Variants in BRINP1 observed in about 807,000 individuals in gnomAD.
BRINP1 encodes BMP/retinoic acid inducible neural specific 1, also known as BMP/retinoic acid-inducible neural-specific protein 1.
Under a neutral mutation model 72.9 loss-of-function variants are expected in BRINP1, and 17 were observed. That is an observed-to-expected ratio of 0.23 (90% CI 0.16 to 0.35). The LOEUF (loss-of-function observed/expected upper bound fraction) is 0.35, where lower values mean the gene tolerates loss of function less well. BRINP1 is among the 10% of genes least tolerant of loss of function. The probability of loss-of-function intolerance (pLI) is 1.00; values close to 1 mark genes in which losing one functional copy is unlikely to be tolerated. For missense variants in BRINP1, 850 were observed against 1,001.6 expected, an observed-to-expected ratio of 0.85 and a Z score of 2.04; for synonymous variants, 418 against 378.5, an observed-to-expected ratio of 1.10 and a Z score of -1.21.
intron 1 of BRINP1, among the ~76,000 whole-genome samples, chr9:119,327,874 A>C (rs1831255235): frequency 6.6e-6 from 1 of 152,224 alleles, no homozygotes; most frequent in South Asian, 2.1e-4. Flanking sequence ...TTGACATTCA[A>C]GTTAGGATTT....
At chr9:119,251,613 C>A (rs902287930) in intron 2 of BRINP1, among the ~76,000 whole-genome samples, 1 of 151,714 alleles carries the variant, frequency 6.6e-6, no homozygotes, top group Non-Finnish European at 1.5e-5. Context: ...ACAAAAACAA[C>A]AAAAAAACTA....
chr9:119,232,183 T>C (rs1830154327), intron 5 of BRINP1, among the ~76,000 whole-genome samples: 1 of 152,174 alleles, frequency 6.6e-6, no homozygotes, highest in Non-Finnish European at 1.5e-5. Flanking sequence ...ACAAATACTT[T>C]TGAGTTCATT....
intron 7 of BRINP1, among the ~76,000 whole-genome samples, chr9:119,175,119 TAA>T (rs35857917): frequency 1.3e-4 from 8 of 62,672 alleles, no homozygotes; most frequent in African/African-American, 1.4e-4. Context: ...AAGTAAAGTA[TAA>T]AAAAAAAAAA....
chr9:119,169,276 C>T (rs1019977949), intron 7 of BRINP1, among the ~76,000 whole-genome samples: 1 of 152,202 alleles, frequency 6.6e-6, no homozygotes, highest in African/African-American at 2.4e-5. Context: ...GTGCACGCAC[C>T]GTGCGCGAGC....
At chr9:119,358,678 AG>A (rs765887896) in intron 1 of BRINP1, among the ~76,000 whole-genome samples, 19 of 152,292 alleles carry the variant, frequency 1.2e-4, no homozygotes, top group South Asian at 4.1e-4. Context: ...TGGGCGACAG[AG>A]CGAGACTCCA....
At position 119,168,375 on chromosome 9, in the gene BRINP1, C is replaced by A. The variant is rs954152929; in HGVS notation, c.1146-151G>T. On this transcript the variant is annotated intron_variant, in intron 7 of 7. Coordinates refer to ENST00000265922, the MANE Select transcript of BRINP1 (RefSeq NM_014618.3). ...ATACAGGAAGGGCATCGAATATAAACGTAAGAACTACATTGTAGCTCCTCC... is the reference window on the plus strand; with the variant it reads ...ATACAGGAAGGGCATCGAATATAAAAGTAAGAACTACATTGTAGCTCCTCC... 5.2e-6 allele frequency: 3 copies of A among 581,646 alleles called. No homozygotes were observed. In the African/African-American group the frequency reaches 5.6e-5, roughly 11 times the overall value. 36.0% of individuals were successfully genotyped at this position (581,646 alleles called of 1,614,324 possible). A position where few individuals can be genotyped will look rare whatever the true frequency, so the allele number is the denominator to read the frequency against.
rs184077029 is a variant in BRINP1, at chr9:119,188,292, G to T, written c.1146-20068C>A. ...TAATCAAAATATCAAAGACATCATA[G>T]AAATGATTTTAAAAGGCCAGGAAAT... On this transcript the variant is annotated intron_variant, in intron 7 of 7. Coordinates refer to ENST00000265922, the MANE Select transcript of BRINP1 (RefSeq NM_014618.3). 1.1e-4 allele frequency among the ~76,000 whole-genome samples: 16 copies of T among 152,130 alleles called. 1 individual carries two copies. Among genetic ancestry groups the T allele is most frequent in the Admixed American group, 9.2e-4 (14 of 15,290 alleles).
At chr9:119,310,232 C>G (rs543460706) in intron 2 of BRINP1, among the ~76,000 whole-genome samples, 11 of 152,274 alleles carry the variant, frequency 7.2e-5, no homozygotes, top group African/African-American at 2.2e-4. Flanking sequence ...TGGGTCAGCA[C>G]CCGAGTTCCC....
At chr9:119,169,238 G>A (rs896706355) in intron 7 of BRINP1, among the ~76,000 whole-genome samples, 3 of 152,242 alleles carry the variant, frequency 2.0e-5, no homozygotes, top group Non-Finnish European at 4.4e-5. Flanking sequence ...TCACTAGGGA[G>A]TGCCAGACAG....
rs747102415 is a variant in BRINP1 at position 119,346,770 on chromosome 9, TTTC to T, written c.-51+22283_-51+22285del. On this transcript the variant is annotated intron_variant, in intron 1 of 7. Transcript: ENST00000265922. ...CCACAGAGCTTGTGATTCTATGGTGTTTCCTTCAAGGAACTTAAAATGCTACCA... is the reference window on the plus strand; with the variant it reads ...CCACAGAGCTTGTGATTCTATGGTGTCTTCAAGGAACTTAAAATGCTACCA... Among the ~76,000 whole-genome samples the T allele has an allele frequency of 5.7e-3, 863 of 152,316 alleles. 3 individuals are homozygous for T. Among genetic ancestry groups the T allele is most frequent in the Non-Finnish European group, 8.5e-3 (578 of 68,010 alleles).
Position 119,256,401 on chromosome 9 carries a change from G to C in BRINP1, c.219-7251C>G, listed in dbSNP as rs577216484. On this transcript the variant is annotated intron_variant, in intron 2 of 7. Coordinates refer to ENST00000265922, the MANE Select transcript of BRINP1 (RefSeq NM_014618.3). ...AAAACTTTAGGGAAAGGTGGGATCT[G>C]ATTCTTGTGAAGTAAGCTGAAAGTA... 2.0e-5 allele frequency among the ~76,000 whole-genome samples: 3 copies of C among 152,266 alleles called. No homozygotes were observed. The South Asian group carries it at 6.2e-4, about 32-fold the overall frequency.
At chr9:119,238,605 A>T in intron 5 of BRINP1, 50 bp downstream of exon 5, 1 of 1,119,072 alleles carries the variant, frequency 8.9e-7, no homozygotes, top group Non-Finnish European at 1.3e-6. Context: ...CACATATCAC[A>T]TCCATGATGT....
chr9:119,242,323 GC>G, intron 3 of BRINP1, 107 bp from the exon 4 acceptor site: 1 of 879,138 alleles, frequency 1.1e-6, no homozygotes. Context: ...AACCAATGTG[GC>G]CCATGTTTCC....
intron 2 of BRINP1, among the ~76,000 whole-genome samples, chr9:119,278,260 C>T (rs750182796): frequency 1.3e-5 from 2 of 152,162 alleles, no homozygotes; most frequent in Non-Finnish European, 1.5e-5. Flanking sequence ...ATCCCCTCTT[C>T]GCCTCCCTGC....
chr9:119,258,130 G>A (rs565417227), intron 2 of BRINP1, among the ~76,000 whole-genome samples: 4 of 152,252 alleles, frequency 2.6e-5, no homozygotes, highest in Admixed American at 2.6e-4. Context: ...ATTTGCCAAA[G>A]GTGTTCACTT....
chr9:119,259,362 G>T (rs1258430485), intron 2 of BRINP1, among the ~76,000 whole-genome samples: 1 of 152,194 alleles, frequency 6.6e-6, no homozygotes, highest in Non-Finnish European at 1.5e-5. Flanking sequence ...GGCAGTAGTA[G>T]CTACTCAATA....
At chr9:119,278,878 C>A (rs996720917) in intron 2 of BRINP1, among the ~76,000 whole-genome samples, 5 of 152,124 alleles carry the variant, frequency 3.3e-5, no homozygotes, top group Admixed American at 1.3e-4. Flanking sequence ...CAGAGCTAGA[C>A]TCCATCTCAA....
At chr9:119,305,798 AC>A (rs1830990719) in intron 2 of BRINP1, among the ~76,000 whole-genome samples, 1 of 152,070 alleles carries the variant, frequency 6.6e-6, no homozygotes, top group Non-Finnish European at 1.5e-5. Flanking sequence ...CCCCAAAGAG[AC>A]CATGAATTCC....
intron 1 of BRINP1, among the ~76,000 whole-genome samples, chr9:119,343,177 G>C (rs1439818828): frequency 1.3e-5 from 2 of 152,186 alleles, no homozygotes; most frequent in African/African-American, 4.8e-5. Context: ...CTGTGTCCAA[G>C]ATGTGACCCA....
Sources: allele counts gnomAD v4.1 joint callset (sites outside exome capture counted in the v4.1 genomes callset), GRCh38; gene constraint gnomAD v4.1.1; transcripts MANE v1.5; gene names NCBI Gene and HGNC (gene_info 2026-07-23, HGNC 2026-07-21).